The following ZNF716 variants were observed in gnomAD, a reference collection of about 807,000 sequenced individuals.
The protein encoded by ZNF716 is zinc finger protein 716.
ZNF716 carries 9 observed loss-of-function variants against 13.4 expected under a neutral mutation model. The ratio of observed to expected loss-of-function variants is 0.67; its 90% CI spans 0.41 to 1.18. The LOEUF is 1.18. Among genes scored for constraint, ZNF716 ranks in the 50% most tolerant of loss-of-function variants. ZNF716 has a pLI of 0.01. For synonymous variants in ZNF716, 186 were observed against 195.2 expected (o/e 0.95, Z 0.39); for missense variants, 581 against 576.6 (o/e 1.01, Z -0.08).
Position 57,464,869 on chromosome 7 carries a change from C to G in ZNF716, c.262+1701C>G, listed in dbSNP as rs532942243. The stretch of plus-strand genomic sequence containing the variant: ...TTGTCTGCTCATGGCAACCCTGTGG[C>G]AGATTATTTGGTCATACACAGAAGA... On this transcript the variant is annotated intron_variant, in intron 3 of 3. Transcript: ENST00000420713. 2.4e-4 allele frequency among the ~76,000 whole-genome samples: 37 copies of G among 152,242 alleles called. 1 individual carries two copies. The South Asian group carries it at 3.1e-3, about 13-fold the overall frequency.
chr7:57,451,939 G>A (rs1414212157), intron 1 of ZNF716, among the ~76,000 whole-genome samples: 2 of 151,540 alleles, frequency 1.3e-5, no homozygotes, highest in Non-Finnish European at 2.9e-5. Context: ...GCTAATTTTT[G>A]TATTTTTAAT....
intron 1 of ZNF716, among the ~76,000 whole-genome samples, chr7:57,455,348 G>T (rs1292616596): frequency 6.6e-6 from 1 of 152,134 alleles, no homozygotes; most frequent in Non-Finnish European, 1.5e-5. Context: ...AAATATTTTG[G>T]CCACTGAAGA....
At chr7:57,467,153 A>G (rs1789831759) in intron 3 of ZNF716, among the ~76,000 whole-genome samples, 1 of 152,052 alleles carries the variant, frequency 6.6e-6, no homozygotes. Context: ...AGAAAAATTT[A>G]TTCTCATTAT....
In ZNF716 at chr7:57,469,242, A is replaced by T; in HGVS notation, c.781A>T (p.Arg261Ter). 6.2e-7 allele frequency: 1 copy of T among 1,611,982 alleles called. No individual in the cohort carries two copies. Among genetic ancestry groups the T allele is most frequent in the African/African-American group, 1.3e-5 (1 of 74,954 alleles). ...SWSASLTKHK[R>*]IHTGEKPYTC... ...GTCTGCATCCCTTACTAAACATAAG[A>T]GAATTCATACTGGAGAGAAACCTTA... The change falls in exon 4 of 4, where the codon AGA (arginine) becomes TGA (stop). Residue 261 changes from arginine (R) to a stop codon, truncating the protein, a stop_gained. Coordinates refer to ENST00000420713, the MANE Select transcript of ZNF716 (RefSeq NM_001159279.1). LOFTEE classifies it low-confidence loss of function (END_TRUNC).
At chr7:57,457,113 C>T (rs1789606690) in intron 1 of ZNF716, among the ~76,000 whole-genome samples, 1 of 152,132 alleles carries the variant, frequency 6.6e-6, no homozygotes, top group Admixed American at 6.6e-5. Context: ...TTGCCAAAAT[C>T]CCACCAAAGT....
intron 1 of ZNF716, among the ~76,000 whole-genome samples, chr7:57,454,866 A>T (rs1358508222): frequency 6.6e-6 from 1 of 152,094 alleles, no homozygotes; most frequent in African/African-American, 2.4e-5. Context: ...CTACTAAAAA[A>T]TACAGAAACA....
At chr7:57,458,525 C>T (rs1302120636) in intron 1 of ZNF716, among the ~76,000 whole-genome samples, 1 of 151,998 alleles carries the variant, frequency 6.6e-6, no homozygotes, top group South Asian at 2.1e-4. Context: ...CAGATTAAAG[C>T]GATTCTTTTG....
chr7:57,453,586 C>G (rs7806127), intron 1 of ZNF716, among the ~76,000 whole-genome samples: 5,445 of 152,176 alleles, frequency 0.036, 313 homozygotes, highest in East Asian at 0.24. Flanking sequence ...CTCAGAGTAA[C>G]TGTAGAAATT....
intron 1 of ZNF716, among the ~76,000 whole-genome samples, chr7:57,455,550 T>C (rs1255654901): frequency 1.3e-5 from 2 of 149,558 alleles, no homozygotes; most frequent in Non-Finnish European, 2.9e-5. Flanking sequence ...AGAGTCTCAC[T>C]CTGTCACCCT....
intron 1 of ZNF716, among the ~76,000 whole-genome samples, chr7:57,452,065 C>T (rs1789508511): frequency 6.6e-6 from 1 of 152,188 alleles, no homozygotes; most frequent in African/African-American, 2.4e-5. Context: ...CCATGCCCTT[C>T]CTCAGCTGTG....
At chr7:57,463,205 G>C in intron 3 of ZNF716, 37 bp downstream of exon 3, 1 of 1,600,426 alleles carries the variant, frequency 6.2e-7, no homozygotes. Context: ...ACACAGATGA[G>C]AGTTACAAAA....
chr7:57,461,691 G>T (rs1323692693), intron 1 of ZNF716, among the ~76,000 whole-genome samples: 2 of 152,138 alleles, frequency 1.3e-5, no homozygotes, highest in African/African-American at 2.4e-5. Flanking sequence ...TGGTGAGCTT[G>T]CTAGAAATTC....
chr7:57,463,851 TA>T (rs1236107960), intron 3 of ZNF716, among the ~76,000 whole-genome samples: 6 of 152,098 alleles, frequency 3.9e-5, no homozygotes, highest in African/African-American at 9.7e-5. Flanking sequence ...ACATTCATGA[TA>T]TTTTTTATGA....
rs782480310 is a variant in ZNF716 at position 57,470,320 on chromosome 7, A to G, written c.*371A>G. The G allele has an allele frequency of 2.0e-4, 33 of 167,602 alleles. No homozygotes were observed. The highest frequency in any genetic ancestry group is 2.6e-4 in the Non-Finnish European group (20 of 77,570). The allele number at this position is 167,602 out of a possible 1,614,324, so 10.4% of individuals were successfully genotyped here. On this transcript the variant is annotated 3_prime_UTR_variant, in exon 4 of 4. Transcript: ENST00000420713. The stretch of plus-strand genomic sequence containing the variant: ...GCTGGAATTACAGGCACGTGCAACC[A>G]CACTGGCTGAGTTTTGTATTTTTAG...
At chr7:57,456,963 C>G (rs1398887614) in intron 1 of ZNF716, among the ~76,000 whole-genome samples, 1 of 152,030 alleles carries the variant, frequency 6.6e-6, no homozygotes, top group Non-Finnish European at 1.5e-5. Context: ...GATAACAGAC[C>G]TCCTCCTTTC....
At chr7:57,453,663 A>G (rs903556305) in intron 1 of ZNF716, among the ~76,000 whole-genome samples, 4 of 152,198 alleles carry the variant, frequency 2.6e-5, no homozygotes, top group Non-Finnish European at 5.9e-5. Context: ...CTTTGCGAAT[A>G]TTACCAAGGG....
At chr7:57,463,928 GT>G (rs1177717984) in intron 3 of ZNF716, among the ~76,000 whole-genome samples, 2 of 151,864 alleles carry the variant, frequency 1.3e-5, no homozygotes, top group Non-Finnish European at 2.9e-5. Context: ...CATCAACATA[GT>G]TTGTGTTTTT....
At position 57,469,313 on chromosome 7, in the gene ZNF716, T is replaced by A; in HGVS notation, c.852T>A (p.Thr284=). The change falls in exon 4 of 4, where the codon ACT becomes ACA. Residue 284 remains threonine, a synonymous_variant. Transcript: ENST00000420713. The stretch of plus-strand genomic sequence containing the variant: ...AAGTCTTTAGCCGCTCAACACTTAC[T>A]AACTACAAGAGAATTCATACTGGAG... ...RGKVFSRSTL[T]NYKRIHTGEK... 6.9e-6 allele frequency: 11 copies of A among 1,590,372 alleles called. No homozygotes were observed. Among genetic ancestry groups the A allele is most frequent in the Non-Finnish European group, 9.4e-6 (11 of 1,166,112 alleles).
rs782619348 is a variant in ZNF716 at position 57,464,229 on chromosome 7, C to T, written c.262+1061C>T. On this transcript the variant is annotated intron_variant, in intron 3 of 3. Transcript: ENST00000420713. ...CCCTGCCTCCCACATCCAAATGATT[C>T]GCCTGCCTCAGCCTCCTGAGTAACT... Among the ~76,000 whole-genome samples, 24 of 145,932 alleles carry T rather than the reference C, an allele frequency of 1.6e-4. No homozygotes were observed. In the South Asian group the frequency reaches 2.0e-3, roughly 12 times the overall value.
Sources: allele counts gnomAD v4.1 joint callset (sites outside exome capture counted in the v4.1 genomes callset), GRCh38; gene constraint gnomAD v4.1.1; transcripts MANE v1.5; gene names NCBI Gene and HGNC (gene_info 2026-07-23, HGNC 2026-07-21).